Variants in FOCAD observed in about 807,000 individuals in gnomAD.
FOCAD encodes the protein KIAA1797.
Under a neutral mutation model 225.6 loss-of-function variants are expected in FOCAD, and 198 were observed. The observed-to-expected ratio is 0.88, with a 90% CI of 0.78 to 0.99. The LOEUF is 0.99. Ranked by LOEUF, FOCAD falls within the 50% of genes least tolerant of loss-of-function variation. FOCAD has a pLI of 0.00. For synonymous variants in FOCAD, 897 were observed against 755.0 expected (o/e 1.19, Z -3.08); for missense variants, 2,713 against 2,123.6 (o/e 1.28, Z -5.46).
chr9:20,845,441 C>CTATATATATATATATATATATA (rs1375298178), intron 15 of FOCAD, among the ~76,000 whole-genome samples: 2 of 48,018 alleles, frequency 4.2e-5, no homozygotes, highest in African/African-American at 6.6e-5. Context: ...ATCTTTTCCT[C>CTATATATATATATATATATATA]GATATATATA....
chr9:20,981,716 C>A, intron 38 of FOCAD, 30 bp downstream of exon 38: 1 of 1,585,678 alleles, frequency 6.3e-7, no homozygotes, highest in Non-Finnish European at 8.6e-7. Context: ...ACATTCCTGA[C>A]AATTTATGTT....
chr9:20,732,469 A>C (rs190180740), intron 4 of FOCAD, among the ~76,000 whole-genome samples: 16 of 152,324 alleles, frequency 1.1e-4, no homozygotes, highest in Admixed American at 3.9e-4. Flanking sequence ...AAAGAATGCT[A>C]AGAGTGAGGG....
At chr9:20,748,537 T>A (rs1828266482) in intron 5 of FOCAD, among the ~76,000 whole-genome samples, 1 of 152,018 alleles carries the variant, frequency 6.6e-6, no homozygotes, top group Non-Finnish European at 1.5e-5. Flanking sequence ...CTTGTAGAAA[T>A]CATTATAGAA....
intron 2 of FOCAD, among the ~76,000 whole-genome samples, chr9:20,717,094 C>T (rs1825401524): frequency 6.6e-6 from 1 of 152,138 alleles, no homozygotes; most frequent in Non-Finnish European, 1.5e-5. Context: ...TTGGACTAAA[C>T]TTAATATTCA....
At chr9:20,863,003 T>G (rs1828916686) in intron 16 of FOCAD, 1 of 211,874 alleles carries the variant, frequency 4.7e-6, no homozygotes, top group Non-Finnish European at 9.3e-6. Flanking sequence ...AGCCAACCAT[T>G]AAAAATCATT....
intron 15 of FOCAD, among the ~76,000 whole-genome samples, chr9:20,823,789 A>G (rs1211260972): frequency 6.6e-6 from 1 of 152,112 alleles, no homozygotes; most frequent in African/African-American, 2.4e-5. Flanking sequence ...CCTTAAGGTT[A>G]TGGTCAGTTA....
intron 28 of FOCAD, among the ~76,000 whole-genome samples, chr9:20,940,175 A>C (rs907543589): frequency 2.0e-5 from 3 of 152,092 alleles, no homozygotes; most frequent in Non-Finnish European, 1.5e-5. Flanking sequence ...CAGGCCCTTC[A>C]AGAAGTCCTT....
At chr9:20,729,416 C>T (rs1826483473) in intron 4 of FOCAD, among the ~76,000 whole-genome samples, 1 of 152,088 alleles carries the variant, frequency 6.6e-6, no homozygotes, top group Non-Finnish European at 1.5e-5. Flanking sequence ...TATAAGGATA[C>T]CGGTTATTGG....
At chr9:20,693,827 C>T (rs936261908) in intron 1 of FOCAD, among the ~76,000 whole-genome samples, 1 of 152,248 alleles carries the variant, frequency 6.6e-6, no homozygotes, top group Non-Finnish European at 1.5e-5. Flanking sequence ...TCTCGTGCCT[C>T]AGCCTCCCAA....
At chr9:20,722,427 G>A (rs908182581) in intron 4 of FOCAD, among the ~76,000 whole-genome samples, 4 of 152,178 alleles carry the variant, frequency 2.6e-5, no homozygotes, top group African/African-American at 9.7e-5. Context: ...CTTTCAGGCT[G>A]TGCTCAGATG....
intron 19 of FOCAD, among the ~76,000 whole-genome samples, chr9:20,876,380 T>C (rs1032641025): frequency 6.6e-6 from 1 of 152,188 alleles, no homozygotes; most frequent in Admixed American, 6.5e-5. Context: ...ATGATTTTTT[T>C]TTCACTTGTA....
chr9:20,662,897 T>C (rs1309186999), intron 2 of FOCAD, among the ~76,000 whole-genome samples: 3 of 152,196 alleles, frequency 2.0e-5, no homozygotes, highest in Non-Finnish European at 4.4e-5. Flanking sequence ...ACATTTAAAC[T>C]TAAAGGAATA....
intron 34 of FOCAD, among the ~76,000 whole-genome samples, chr9:20,951,864 G>A (rs900192187): frequency 6.6e-6 from 1 of 152,138 alleles, no homozygotes; most frequent in African/African-American, 2.4e-5. Context: ...GAGAGGTTCA[G>A]GTACCAATGA....
At chr9:20,670,382 G>A (rs1442216746) in intron 2 of FOCAD, among the ~76,000 whole-genome samples, 4 of 152,152 alleles carry the variant, frequency 2.6e-5, no homozygotes, top group African/African-American at 9.7e-5. Flanking sequence ...CTGAAACTGG[G>A]TAATTATAAA....
chr9:20,798,086 C>A (rs1361903564), intron 11 of FOCAD, among the ~76,000 whole-genome samples: 1 of 152,144 alleles, frequency 6.6e-6, no homozygotes, highest in Admixed American at 6.5e-5. Context: ...AAGGCCTTTT[C>A]TGCATCTATT....
chr9:20,912,474 A>C (rs1049012273), intron 22 of FOCAD, among the ~76,000 whole-genome samples: 4 of 152,102 alleles, frequency 2.6e-5, no homozygotes, highest in Non-Finnish European at 5.9e-5. Context: ...CTAGTTTTCT[A>C]TTATAATACT....
At chr9:20,814,781 C>G (rs1823481780) in intron 11 of FOCAD, among the ~76,000 whole-genome samples, 1 of 152,102 alleles carries the variant, frequency 6.6e-6, no homozygotes, top group South Asian at 2.1e-4. Context: ...CATACATAAA[C>G]TACTCTTTTA....
intron 4 of FOCAD, among the ~76,000 whole-genome samples, chr9:20,729,962 T>A (rs1299072353): frequency 2.0e-5 from 3 of 152,196 alleles, no homozygotes; most frequent in East Asian, 3.8e-4. Flanking sequence ...ATTATCTCTC[T>A]AAACAGCAAT....
intron 4 of FOCAD, among the ~76,000 whole-genome samples, chr9:20,737,625 C>G (rs759754412): frequency 1.8e-4 from 28 of 152,300 alleles, no homozygotes; most frequent in South Asian, 1.0e-3. Context: ...CATGTAGTGA[C>G]TCTTTCTCCA....
Sources: allele counts gnomAD v4.1 joint callset (sites outside exome capture counted in the v4.1 genomes callset), GRCh38; gene constraint gnomAD v4.1.1; transcripts MANE v1.5; gene names NCBI Gene and HGNC (gene_info 2026-07-23, HGNC 2026-07-21).